The following FAM193A variants were observed in gnomAD, a reference collection of about 807,000 sequenced individuals.
The protein encoded by FAM193A is protein FAM193A.
Under a neutral mutation model 126.5 loss-of-function variants are expected in FAM193A, and 22 were observed. That is an observed-to-expected ratio of 0.17 (90% CI 0.12 to 0.25). FAM193A has a LOEUF of 0.25. Among genes scored for constraint, FAM193A ranks in the 10% least tolerant of loss-of-function variants. FAM193A has a pLI of 1.00. For synonymous variants in FAM193A, 761 were observed against 646.8 expected (o/e 1.18, Z -2.68); for missense variants, 1,675 against 1,672.8 (o/e 1.00, Z -0.02).
intron 1 of FAM193A, among the ~76,000 whole-genome samples, chr4:2,537,628 C>A (rs1386597413): frequency 2.6e-5 from 4 of 152,262 alleles, no homozygotes; most frequent in Non-Finnish European, 5.9e-5. Context: ...CGGGAGTGAG[C>A]AAAGCTGCCC....
rs1164306779 is a variant in FAM193A at position 2,696,723 on chromosome 4, A to G, written c.3507+130A>G. On this transcript the variant is annotated intron_variant, in intron 18 of 20. Coordinates refer to ENST00000637812, the MANE Select transcript of FAM193A (RefSeq NM_001366318.2). The stretch of plus-strand genomic sequence containing the variant: ...TCTGACGTGTGTTCACTTGCCCACA[A>G]CTTTGTTCTGAGAGCCAGCCTGTCT... The G allele has an allele frequency of 6.4e-5, 42 of 658,880 alleles. 1 individual carries two copies. The Middle Eastern group carries it at 1.1e-3, about 17-fold the overall frequency. The allele number at this position is 658,880 out of a possible 1,614,324, so 40.8% of individuals were successfully genotyped here.
intron 1 of FAM193A, among the ~76,000 whole-genome samples, chr4:2,568,973 C>CTTTTTTTTTTGTT (rs1739129128): frequency 1.1e-5 from 1 of 90,722 alleles, no homozygotes; most frequent in African/African-American, 4.6e-5. Context: ...TGTTGTTTTG[C>CTTTTTTTTTTGTT]TTTTTTTTTT....
intron 1 of FAM193A, among the ~76,000 whole-genome samples, chr4:2,564,951 A>G (rs1479136189): frequency 6.6e-6 from 1 of 152,026 alleles, no homozygotes; most frequent in African/African-American, 2.4e-5. Context: ...GTCACATGCC[A>G]CCATGCCTGG....
intron 1 of FAM193A, among the ~76,000 whole-genome samples, chr4:2,559,444 T>C (rs538690371): frequency 6.6e-6 from 1 of 152,358 alleles, no homozygotes; most frequent in Admixed American, 6.5e-5. Context: ...TTTTTATTTA[T>C]TTCAGAGACA....
chr4:2,728,632 A>C (rs1214817441), intron 20 of FAM193A, among the ~76,000 whole-genome samples: 1 of 152,030 alleles, frequency 6.6e-6, no homozygotes, highest in Non-Finnish European at 1.5e-5. Flanking sequence ...AAAGCCATAA[A>C]GGGATTCTTA....
At chr4:2,695,801 G>C (rs1720439434) in intron 17 of FAM193A, among the ~76,000 whole-genome samples, 1 of 152,146 alleles carries the variant, frequency 6.6e-6, no homozygotes, top group South Asian at 2.1e-4. Flanking sequence ...AAGCATAGTG[G>C]CTTATGCCTG....
intron 12 of FAM193A, among the ~76,000 whole-genome samples, chr4:2,671,579 T>G (rs1047428587): frequency 6.6e-6 from 1 of 152,214 alleles, no homozygotes; most frequent in African/African-American, 2.4e-5. Flanking sequence ...CATGAATAAA[T>G]GTGTCGCGGT....
At chr4:2,664,375 A>G (rs1011863486) in intron 12 of FAM193A, among the ~76,000 whole-genome samples, 2 of 152,106 alleles carry the variant, frequency 1.3e-5, no homozygotes, top group African/African-American at 4.8e-5. Flanking sequence ...TTGAAAATTT[A>G]TTGAAAATCA....
intron 20 of FAM193A, chr4:2,720,033 G>C (rs1291520516): frequency 5.1e-6 from 1 of 197,212 alleles, no homozygotes; most frequent in East Asian, 1.8e-4. Flanking sequence ...GGCCTCAAGT[G>C]ATCTGCCCAC....
intron 19 of FAM193A, among the ~76,000 whole-genome samples, chr4:2,701,284 CAAAAA>C (rs60538223): frequency 3.1e-5 from 3 of 96,058 alleles, no homozygotes; most frequent in African/African-American, 3.7e-5. Context: ...TCCTTTATAG[CAAAAA>C]AAAAAAAAAA....
At chr4:2,568,973 CTTTTTT>C (rs753557878) in intron 1 of FAM193A, among the ~76,000 whole-genome samples, 230 of 90,734 alleles carry the variant, frequency 2.5e-3, no homozygotes, top group Non-Finnish European at 3.6e-3. Context: ...TGTTGTTTTG[CTTTTTT>C]TTTTTTTTTT....
At chr4:2,677,899 T>C (rs950909500) in intron 13 of FAM193A, among the ~76,000 whole-genome samples, 8 of 152,246 alleles carry the variant, frequency 5.3e-5, no homozygotes, top group Non-Finnish European at 1.0e-4. Context: ...GGGCAGTATG[T>C]ACATTCTAAC....
intron 1 of FAM193A, among the ~76,000 whole-genome samples, chr4:2,546,338 T>G (rs1487994865): frequency 1.3e-5 from 2 of 152,112 alleles, no homozygotes; most frequent in Admixed American, 6.6e-5. Flanking sequence ...TTTTAACAAC[T>G]GTAGATTCAT....
In FAM193A at chr4:2,659,666, A is replaced by G; in HGVS notation, c.1498A>G (p.Arg500Gly). Residue 500 changes from arginine (R) to glycine (G), a missense_variant, in exon 9 of 21, where the codon AGA (arginine) becomes GGA (glycine). Arg to Gly is a moderately radical substitution (Grantham distance 125, BLOSUM62 -2). Transcript: ENST00000637812. ...MPDCPNCNYR[R>G]RCACDDCSLS... ...CGACTGCCCCAACTGCAACTACAGG[A>G]GAAGGTAAGGCTGGGTTGTGGTGTC... is the stretch of plus-strand genomic sequence containing the variant. 1 of 1,613,832 alleles carries G rather than the reference A, an allele frequency of 6.2e-7. No individual in the cohort carries two copies. Among genetic ancestry groups the G allele is most frequent in the Non-Finnish European group, 8.5e-7 (1 of 1,179,744 alleles).
chr4:2,572,165 CAAAAA>C (rs66899515), intron 1 of FAM193A, among the ~76,000 whole-genome samples: 1 of 108,304 alleles, frequency 9.2e-6, no homozygotes, highest in Admixed American at 9.3e-5. Flanking sequence ...CCTCTGTGTC[CAAAAA>C]AAAAAAAAAA....
intron 20 of FAM193A, among the ~76,000 whole-genome samples, chr4:2,719,766 TCCTTCCTC>T (rs1719915710): frequency 1.7e-5 from 2 of 120,806 alleles, no homozygotes; most frequent in African/African-American, 5.7e-5. Context: ...AAATCCTCCT[TCCTTCCTC>T]CCTCCCTCCC....
At chr4:2,550,162 A>G (rs1737823645) in intron 1 of FAM193A, among the ~76,000 whole-genome samples, 1 of 150,366 alleles carries the variant, frequency 6.7e-6, no homozygotes, top group Non-Finnish European at 1.5e-5. Flanking sequence ...TCAGCCTCAC[A>G]GGTTGCTGAG....
chr4:2,581,880 C>G (rs1488559534), intron 1 of FAM193A, among the ~76,000 whole-genome samples: 1 of 150,644 alleles, frequency 6.6e-6, no homozygotes, highest in Non-Finnish European at 1.5e-5. Flanking sequence ...GTCTCAGTCT[C>G]CTGACCTCGT....
At chr4:2,688,500 G>A (rs1715998821) in intron 13 of FAM193A, among the ~76,000 whole-genome samples, 1 of 152,048 alleles carries the variant, frequency 6.6e-6, no homozygotes, top group Admixed American at 6.6e-5. Context: ...GGCCAAGAAG[G>A]TGAATAGGCG....
Sources: allele counts gnomAD v4.1 joint callset (sites outside exome capture counted in the v4.1 genomes callset), GRCh38; gene constraint gnomAD v4.1.1; transcripts MANE v1.5; gene names NCBI Gene and HGNC (gene_info 2026-07-23, HGNC 2026-07-21).